The following ADGRL1 variants were observed in gnomAD, a reference collection of about 807,000 sequenced individuals.
ADGRL1 encodes CIRL-1.
ADGRL1 carries 31 observed loss-of-function variants against 148.9 expected under a neutral mutation model. The ratio of observed to expected loss-of-function variants is 0.21; its 90% CI spans 0.16 to 0.28. The LOEUF is 0.28. Among genes scored for constraint, ADGRL1 ranks in the 10% least tolerant of loss-of-function variants. ADGRL1 has a pLI of 1.00. For synonymous variants in ADGRL1, 937 were observed against 900.3 expected (o/e 1.04, Z -0.73); for missense variants, 1,521 against 2,058.8 (o/e 0.74, Z 5.05).
chr19:14,205,158 C>A (rs1345818077), intron 1 of ADGRL1, among the ~76,000 whole-genome samples: 1 of 152,026 alleles, frequency 6.6e-6, no homozygotes, highest in Admixed American at 6.6e-5. Flanking sequence ...CATCCCCCCA[C>A]CCCACCACTT....
intron 3 of ADGRL1, among the ~76,000 whole-genome samples, chr19:14,173,591 G>A (rs570592769): frequency 6.6e-6 from 1 of 152,178 alleles, no homozygotes; most frequent in Non-Finnish European, 1.5e-5. Context: ...GTACACGCAC[G>A]TTCACAGCTG....
chr19:14,156,568 G>GATCT (rs755206491), intron 16 of ADGRL1, 90 bp downstream of exon 16: 1 of 820,170 alleles, frequency 1.2e-6, no homozygotes, highest in Non-Finnish European at 1.9e-6. Context: ...TGTGTGTGTG[G>GATCT]GGGGGGTGGG....
At position 14,162,967 on chromosome 19, in the gene ADGRL1, A is replaced by C. The variant is rs1969554250; in HGVS notation, c.834T>G (p.Thr278=). The C allele has an allele frequency of 3.7e-6, 6 of 1,613,782 alleles. No homozygotes were observed. The South Asian group carries it at 5.5e-5, about 15-fold the overall frequency. The change falls in exon 5 of 23, where the codon ACT becomes ACG. Residue 278 remains threonine, a synonymous_variant. Coordinates refer to ENST00000361434, the MANE Select transcript of ADGRL1 (RefSeq NM_014921.5). The surrounding 1 kb of genome is among the most constrained non-coding windows in gnomAD (Gnocchi z 5.4). ...CCACCAGCCGCCCGTTGTTGCCCTC[A>C]GTGGCGTAGATGACCCACAGCCCGT... ...DENGLWVIYA[T]EGNNGRLVVS...
chr19:14,202,775 A>T (rs1030120773), intron 1 of ADGRL1, among the ~76,000 whole-genome samples: 1 of 152,150 alleles, frequency 6.6e-6, no homozygotes, highest in Non-Finnish European at 1.5e-5. Context: ...GTGTGCACAC[A>T]GACAGCTACT....
At chr19:14,166,184 CAG>C (rs1969939625) in intron 4 of ADGRL1, among the ~76,000 whole-genome samples, 1 of 152,112 alleles carries the variant, frequency 6.6e-6, no homozygotes, top group African/African-American at 2.4e-5. Flanking sequence ...GTGAAAGAAA[CAG>C]AGAACACGCT....
intron 1 of ADGRL1, among the ~76,000 whole-genome samples, chr19:14,204,608 GA>G: frequency 6.6e-6 from 1 of 151,956 alleles, no homozygotes; most frequent in South Asian, 2.1e-4. Context: ...TGCCCCACTG[GA>G]TCCGACCTCC....
chr19:14,160,756 G>A lies in ADGRL1; in HGVS notation c.1511-60C>T. 1.0e-5 allele frequency: 10 copies of A among 957,992 alleles called. No individual in the cohort carries two copies. The highest frequency in any genetic ancestry group is 9.4e-5 in the South Asian group (7 of 74,754). The allele number at this position is 957,992 out of a possible 1,614,324, so 59.3% of individuals were successfully genotyped here. On this transcript the variant is annotated intron_variant, in intron 6 of 22. Transcript: ENST00000361434. This position sits in a 1 kb window ranked among gnomAD's most constrained non-coding sequence, Gnocchi z 5.9. ...GCCAAAGGGAAGAAGAGAAGGATGG[G>A]ACAGAGAGGGGGAAAGGAGATGACA...
chr19:14,185,994 G>A (rs2145055495), intron 1 of ADGRL1, among the ~76,000 whole-genome samples: 1 of 152,336 alleles, frequency 6.6e-6, no homozygotes, highest in Admixed American at 6.5e-5. Context: ...TGTATAGAAT[G>A]TCCTCTTCAT....
rs1365524291 is a variant in ADGRL1, at chr19:14,155,792, A to G, written c.3126-265T>C. The G allele has an allele frequency of 1.7e-6, 1 of 576,526 alleles. No individual in the cohort carries two copies. The highest frequency in any genetic ancestry group is 3.1e-6 in the Non-Finnish European group (1 of 323,800). 35.7% of individuals were successfully genotyped at this position (576,526 alleles called of 1,614,324 possible). Reference sequence around the variant, plus strand: ...CTGCCAACTTCATTGTTTCTGCTAAATTTCCAGACCACTTAGGCTATATTT... The same window carrying G: ...CTGCCAACTTCATTGTTTCTGCTAAGTTTCCAGACCACTTAGGCTATATTT... On this transcript the variant is annotated intron_variant, in intron 17 of 22. Coordinates refer to ENST00000361434, the MANE Select transcript of ADGRL1 (RefSeq NM_014921.5). This position sits in a 1 kb window ranked among gnomAD's most constrained non-coding sequence, Gnocchi z 5.0.
At chr19:14,163,946 G>GT (rs5827221) in intron 4 of ADGRL1, among the ~76,000 whole-genome samples, 3,030 of 148,150 alleles carry the variant, frequency 0.02, 105 homozygotes, top group African/African-American at 0.069. Context: ...CCCGGACAGT[G>GT]TTTTTTTTTT....
At chr19:14,181,970 C>T (rs1217656640) in intron 2 of ADGRL1, among the ~76,000 whole-genome samples, 2 of 152,172 alleles carry the variant, frequency 1.3e-5, no homozygotes, top group African/African-American at 2.4e-5. Context: ...GCAGGCTGAG[C>T]TCCCTGGGGG....
chr19:14,171,735 G>A (rs1232697181), intron 3 of ADGRL1, among the ~76,000 whole-genome samples: 2 of 152,184 alleles, frequency 1.3e-5, no homozygotes, highest in Non-Finnish European at 2.9e-5. Context: ...ATCCCCAGGG[G>A]AAAGCCATTC....
At chr19:14,156,564 T>G (rs1412634975) in intron 16 of ADGRL1, 94 bp downstream of exon 16, 92 of 519,112 alleles carry the variant, frequency 1.8e-4, no homozygotes, top group African/African-American at 4.8e-4. Flanking sequence ...TGTGTGTGTG[T>G]GTGGGGGGGG....
intron 4 of ADGRL1, among the ~76,000 whole-genome samples, 163 bp from the exon 5 acceptor site, chr19:14,163,569 G>A (rs1313416899): frequency 6.6e-6 from 1 of 151,940 alleles, no homozygotes; most frequent in Non-Finnish European, 1.5e-5. Context: ...CTGCAGTCAC[G>A]GTTGCTTGGT....
chr19:14,182,257 A>G (rs191739284), intron 2 of ADGRL1, among the ~76,000 whole-genome samples: 7 of 152,338 alleles, frequency 4.6e-5, no homozygotes, highest in East Asian at 1.9e-4. Flanking sequence ...TATTATGAAT[A>G]TTATTAAGGC....
chr19:14,156,636 G>A, intron 16 of ADGRL1, 22 bp downstream of exon 16: 1 of 1,603,524 alleles, frequency 6.2e-7, no homozygotes, highest in Non-Finnish European at 8.5e-7. Flanking sequence ...TGTGGTGCTA[G>A]GGGTGTCACC....
intron 15 of ADGRL1, 55 bp from the exon 16 acceptor site, chr19:14,156,779 G>A (rs978606980): frequency 2.6e-5 from 41 of 1,553,866 alleles, no homozygotes; most frequent in Middle Eastern, 1.8e-4. Flanking sequence ...CATTCCCAGC[G>A]ACTCATGAAG....
At chr19:14,171,557 A>G (rs1970473302) in intron 3 of ADGRL1, among the ~76,000 whole-genome samples, 1 of 152,170 alleles carries the variant, frequency 6.6e-6, no homozygotes, top group Admixed American at 6.5e-5. Flanking sequence ...TGTTCACTGG[A>G]GAGTAATACA....
At chr19:14,188,316 G>T (rs1231471830) in intron 1 of ADGRL1, among the ~76,000 whole-genome samples, 1 of 152,012 alleles carries the variant, frequency 6.6e-6, no homozygotes, top group East Asian at 1.9e-4. Flanking sequence ...GCCAATACAG[G>T]CCCCATCAGA....
Sources: allele counts gnomAD v4.1 joint callset (sites outside exome capture counted in the v4.1 genomes callset), GRCh38; gene constraint gnomAD v4.1.1; non-coding constraint Gnocchi (gnomAD v3.1); transcripts MANE v1.5; gene names NCBI Gene and HGNC (gene_info 2026-07-23, HGNC 2026-07-21).